CACNA2D1: variants seen among roughly 807,000 people sequenced by gnomAD.
CACNA2D1 encodes the protein voltage-dependent calcium channel subunit alpha-2/delta-1.
A neutral mutation model predicts 171.5 loss-of-function variants in CACNA2D1; 53 were observed. The observed-to-expected ratio is 0.31, with a 90% CI of 0.25 to 0.39. The LOEUF is 0.39. Ranked by LOEUF, CACNA2D1 falls within the 10% of genes least tolerant of loss-of-function variation. The pLI is 1.00. For synonymous variants in CACNA2D1, 442 were observed against 443.1 expected (o/e 1.00, Z 0.03); for missense variants, 903 against 1,299.8 (o/e 0.69, Z 4.69).
intron 3 of CACNA2D1, among the ~76,000 whole-genome samples, chr7:82,180,593 T>G (rs1797016971): frequency 7.0e-6 from 1 of 142,538 alleles, no homozygotes; most frequent in Non-Finnish European, 1.6e-5. Flanking sequence ...AAAACTCTAT[T>G]GAGAGTGGCC....
intron 3 of CACNA2D1, among the ~76,000 whole-genome samples, chr7:82,217,394 CATATATATATATATATATATATAT>C (rs6150191): frequency 9.8e-6 from 1 of 102,546 alleles, no homozygotes; most frequent in Admixed American, 1.0e-4. Flanking sequence ...CACACACATA[CATATATATATATATATATATATAT>C]ATATATATCA....
intron 4 of CACNA2D1, among the ~76,000 whole-genome samples, chr7:82,137,707 T>TAAAAAAAAAAAAGAA (rs1791813017): frequency 1.3e-5 from 1 of 78,844 alleles, no homozygotes; most frequent in Non-Finnish European, 2.4e-5. Flanking sequence ...CCGTCTCTAC[T>TAAAAAAAAAAAAGAA]AAAAAAAAAA....
intron 11 of CACNA2D1, among the ~76,000 whole-genome samples, chr7:82,035,196 T>C (rs913932389): frequency 6.6e-6 from 1 of 152,114 alleles, no homozygotes; most frequent in Non-Finnish European, 1.5e-5. Context: ...ATATAAAGTT[T>C]TTTTGAAAAA....
intron 4 of CACNA2D1, among the ~76,000 whole-genome samples, chr7:82,146,330 G>GCA: frequency 6.9e-6 from 1 of 144,834 alleles, no homozygotes; most frequent in Non-Finnish European, 1.5e-5. Context: ...GTGTGTGCGT[G>GCA]TGTGTGTGTG....
intron 4 of CACNA2D1, among the ~76,000 whole-genome samples, chr7:82,143,062 G>C (rs910045030): frequency 1.4e-4 from 21 of 152,074 alleles, no homozygotes; most frequent in African/African-American, 5.1e-4. Flanking sequence ...AGTGGTGAGG[G>C]GGGATATGAA....
chr7:82,230,532 T>G (rs1032978665), intron 3 of CACNA2D1, among the ~76,000 whole-genome samples: 1 of 152,190 alleles, frequency 6.6e-6, no homozygotes, highest in Non-Finnish European at 1.5e-5. Flanking sequence ...AATATAAAAA[T>G]TATTCTTTAA....
At chr7:82,340,303 C>T (rs952897358) in intron 2 of CACNA2D1, among the ~76,000 whole-genome samples, 4 of 151,730 alleles carry the variant, frequency 2.6e-5, no homozygotes, top group Non-Finnish European at 4.4e-5. Flanking sequence ...AAGCCAGGCT[C>T]CTCCTGAGTT....
intron 1 of CACNA2D1, among the ~76,000 whole-genome samples, chr7:82,387,008 G>A (rs968708000): frequency 3.3e-5 from 5 of 151,810 alleles, no homozygotes; most frequent in Non-Finnish European, 5.9e-5. Flanking sequence ...ATAAAGTGGT[G>A]GCAAATGAAA....
At chr7:82,091,449 A>G (rs1422508956) in intron 6 of CACNA2D1, among the ~76,000 whole-genome samples, 2 of 152,206 alleles carry the variant, frequency 1.3e-5, no homozygotes, top group Non-Finnish European at 2.9e-5. Flanking sequence ...TTTCCTGCGG[A>G]TTGAGCACCT....
chr7:82,426,987 G>C (rs1222348981), intron 1 of CACNA2D1, among the ~76,000 whole-genome samples: 1 of 152,080 alleles, frequency 6.6e-6, no homozygotes, highest in African/African-American at 2.4e-5. Flanking sequence ...TCACCTTTCT[G>C]TGCCTAATTT....
At chr7:82,034,404 C>A (rs572258019) in intron 11 of CACNA2D1, among the ~76,000 whole-genome samples, 1 of 151,912 alleles carries the variant, frequency 6.6e-6, no homozygotes, top group Admixed American at 6.6e-5. Context: ...TGAAAAGATC[C>A]TGTTTCAGGT....
intron 3 of CACNA2D1, among the ~76,000 whole-genome samples, chr7:82,325,826 A>G (rs532826699): frequency 3.4e-4 from 52 of 152,298 alleles, no homozygotes; most frequent in African/African-American, 1.2e-3. Flanking sequence ...TTGTTTTGTT[A>G]TAACGCTGAT....
At chr7:82,016,620 CCCA>C (rs1562874067) in intron 12 of CACNA2D1, among the ~76,000 whole-genome samples, 1,362 of 120,184 alleles carry the variant, frequency 0.011, 67 homozygotes, top group African/African-American at 0.04. Context: ...GCCCCCCCCC[CCCA>C]AAAAAAAAGC....
At chr7:82,137,808 A>G (rs1246731297) in intron 4 of CACNA2D1, among the ~76,000 whole-genome samples, 2 of 151,530 alleles carry the variant, frequency 1.3e-5, no homozygotes, top group Non-Finnish European at 2.9e-5. Context: ...TGAACCCAGG[A>G]GGCGGAGCTT....
At chr7:82,388,080 A>C (rs1255524535) in intron 1 of CACNA2D1, among the ~76,000 whole-genome samples, 6 of 146,590 alleles carry the variant, frequency 4.1e-5, no homozygotes, top group Admixed American at 2.7e-4. Flanking sequence ...AAAAAAAACA[A>C]AAACAAAAAC....
chr7:82,082,450 G>A lies in CACNA2D1; in HGVS notation c.658+2319C>T, dbSNP rs191940164. ...TCTGGGGCTTTTATGGACTCAGAAC[G>A]GGGAGTTCATGTTGATTGGTTTGTA... On this transcript the variant is annotated intron_variant, in intron 7 of 38. Transcript: ENST00000356860. 1.4e-4 allele frequency among the ~76,000 whole-genome samples: 21 copies of A among 152,142 alleles called. No individual in the cohort carries two copies. In the East Asian group the frequency reaches 3.3e-3, roughly 24 times the overall value.
intron 3 of CACNA2D1, among the ~76,000 whole-genome samples, chr7:82,206,746 C>G (rs1375567331): frequency 3.3e-5 from 5 of 151,990 alleles, no homozygotes; most frequent in African/African-American, 1.2e-4. Context: ...CCAATAGTGG[C>G]ATTACTAACT....
At chr7:81,959,451 G>A in intron 37 of CACNA2D1, 94 bp from the exon 38 acceptor site, 1 of 890,712 alleles carries the variant, frequency 1.1e-6, no homozygotes, top group African/African-American at 1.6e-5. Context: ...ATGTGAGAGA[G>A]ATAACTTATA....
chr7:82,296,119 G>GA (rs1812253107), intron 3 of CACNA2D1, among the ~76,000 whole-genome samples: 1 of 144,864 alleles, frequency 6.9e-6, no homozygotes, highest in Admixed American at 7.5e-5. Flanking sequence ...CGGGGTGGGG[G>GA]AAGGGGGGAG....
Sources: allele counts gnomAD v4.1 joint callset (sites outside exome capture counted in the v4.1 genomes callset), GRCh38; gene constraint gnomAD v4.1.1; transcripts MANE v1.5; gene names NCBI Gene and HGNC (gene_info 2026-07-23, HGNC 2026-07-21).